Variants in ZNF219 observed in about 807,000 individuals in gnomAD.
ZNF219 encodes zinc finger protein 219.
In ZNF219, 17 loss-of-function variants were observed where a neutral mutation model predicts 54.4. That is an observed-to-expected ratio of 0.31 (90% CI 0.21 to 0.47). ZNF219 has a LOEUF of 0.47. Among genes scored for constraint, ZNF219 ranks in the 20% least tolerant of loss-of-function variants. The pLI is 1.00. For synonymous variants in ZNF219, 518 were observed against 476.4 expected (o/e 1.09, Z -1.14); for missense variants, 1,014 against 1,062.3 (o/e 0.95, Z 0.63).
rs1189410520 is a variant in ZNF219 at position 21,090,940 on chromosome 14, C to T, written c.1765G>A (p.Glu589Lys). Reference protein sequence around the residue: ...KPSPQPATWVEGASSPRPPSS... With the variant: ...KPSPQPATWVKGASSPRPPSS... ...GGAGGCCGGGGACTTGAGGCGCCCT[C>T]CACCCAGGTCGCAGGCTGCGGAGAC... Residue 589 changes from glutamate to lysine, a missense_variant, in exon 5 of 5, where the codon GAG becomes AAG. Around this residue, in one of 5 missense-constraint regions of ZNF219, gnomAD observed 281 missense variants for 271.2 expected, o/e 1.04. Coordinates refer to ENST00000360947, the MANE Select transcript of ZNF219 (RefSeq NM_016423.3). The surrounding 1 kb of genome is among the most constrained non-coding windows in gnomAD (Gnocchi z 4.4). 2 of 1,547,164 alleles carry T rather than the reference C, an allele frequency of 1.3e-6. No homozygotes were observed. The highest frequency in any genetic ancestry group is 1.7e-6 in the Non-Finnish European group (2 of 1,151,570).
At chr14:21,098,227 C>A (rs2139330213) in intron 1 of ZNF219, 85 bp downstream of exon 1, 1 of 147,848 alleles carries the variant, frequency 6.8e-6, no homozygotes, top group Non-Finnish European at 1.5e-5. Context: ...TGAGCGGGCC[C>A]CCCCTCCGGG....
chr14:21,091,475 A>G lies in ZNF219; in HGVS notation c.1500T>C (p.Cys500=), dbSNP rs777940414. The G allele has an allele frequency of 1.9e-5, 31 of 1,610,356 alleles. No homozygotes were observed. The highest frequency in any genetic ancestry group is 2.5e-5 in the Non-Finnish European group (30 of 1,177,242). Residue 500 remains cysteine (C), a synonymous_variant, in exon 4 of 5, where the codon TGT becomes TGC. Coordinates refer to ENST00000360947, the MANE Select transcript of ZNF219 (RefSeq NM_016423.3). The part of the protein sequence containing the change: ...EGGRGATGKD[C]PFCGKSFRSA... The stretch of plus-strand genomic sequence containing the variant: ...AGCGGAAAGATTTTCCGCAGAAAGG[A>G]CAATCCTTGCCGGTGGCGCCCCGGC...
chr14:21,092,459 C>T lies in ZNF219; in HGVS notation c.838G>A (p.Gly280Ser), dbSNP rs1310675120. The change falls in exon 3 of 5, where the codon GGC (glycine) becomes AGC (serine). Residue 280 changes from glycine (G) to serine (S), a missense_variant. By Grantham distance (56) the Gly-to-Ser change is moderately conservative. Transcript: ENST00000360947. ...AACCAAGACTGTGTAAAGCTCTGGCCGCACACTTGGCAGCGGAACTCCGGA... is the reference window on the plus strand; with the variant it reads ...AACCAAGACTGTGTAAAGCTCTGGCTGCACACTTGGCAGCGGAACTCCGGA... Reference protein sequence around the residue: ...APPEFRCQVCGQSFTQSWFLK... With the variant: ...APPEFRCQVCSQSFTQSWFLK... 1.3e-6 allele frequency: 2 copies of T among 1,558,734 alleles called. No homozygotes were observed. Among genetic ancestry groups the T allele is most frequent in the South Asian group, 2.4e-5 (2 of 84,714 alleles).
intron 1 of ZNF219, chr14:21,097,492 A>G (rs1889339655): frequency 6.6e-6 from 1 of 152,174 alleles, no homozygotes; most frequent in Non-Finnish European, 1.5e-5. Flanking sequence ...CAGTCTTAGC[A>G]CCCACGTGAG....
chr14:21,101,586 G>A, upstream of ZNF219: 1 of 823,688 alleles, frequency 1.2e-6, no homozygotes, highest in Admixed American at 2.8e-5. Context: ...ATGGGAGGAG[G>A]GTAGAGGAAA....
Position 21,091,049 on chromosome 14 carries a change from C to T in ZNF219, c.1656G>A (p.Gln552=). ...KYHLQRHHRE[Q]RSGAGPGPPP... is the part of the protein sequence containing the mutation. ...GTGGCCCGGGGCCGGCCCCGCTCCT[C>T]TGCTCCCGGTGGTGGCGCTGTAGGT... The change falls in exon 5 of 5, where the codon CAG becomes CAA. Residue 552 remains glutamine (Q), a synonymous_variant. Transcript: ENST00000360947. 1 of 1,559,658 alleles carries T rather than the reference C, an allele frequency of 6.4e-7. No homozygotes were observed. Among genetic ancestry groups the T allele is most frequent in the South Asian group, 1.2e-5 (1 of 85,714 alleles).
upstream of ZNF219, chr14:21,098,660 G>T: frequency 6.8e-6 from 7 of 1,028,626 alleles, no homozygotes; most frequent in Non-Finnish European, 7.0e-6. Flanking sequence ...GGAGACGGGG[G>T]GCGCTGTCGG....
upstream of ZNF219, chr14:21,098,802 C>T (rs1233760565): frequency 3.9e-6 from 5 of 1,287,120 alleles, 1 homozygote; most frequent in Non-Finnish European, 5.1e-6. Context: ...TCCCTAAACC[C>T]GGACATACCA....
At chr14:21,103,148 G>A, upstream of ZNF219, 1 of 1,551,686 alleles carries the variant, frequency 6.4e-7, no homozygotes, top group Non-Finnish European at 8.7e-7. Flanking sequence ...GGGCTTCTCT[G>A]AGTTGGAAGA....
upstream of ZNF219, chr14:21,101,819 G>A (rs1889649792): frequency 6.9e-7 from 1 of 1,459,818 alleles, no homozygotes. Context: ...GAGAAGGGAG[G>A]GAATCCCTGA....
In ZNF219 at chr14:21,090,423, G is replaced by T; in HGVS notation, c.*113C>A. 2 of 1,400,120 alleles carry T rather than the reference G, an allele frequency of 1.4e-6. No homozygotes were observed. The highest frequency in any genetic ancestry group is 1.4e-5 in the South Asian group (1 of 71,990). 86.7% of individuals were successfully genotyped at this position (1,400,120 alleles called of 1,614,324 possible). A position where few individuals can be genotyped will look rare whatever the true frequency, so the allele number is the denominator to read the frequency against. Reference sequence around the variant, plus strand: ...CGCCTTCCACCTCTGGTCCGCCTGGGGCTGGGATATGGGTCCCACGCTGCC... The same window carrying T: ...CGCCTTCCACCTCTGGTCCGCCTGGTGCTGGGATATGGGTCCCACGCTGCC... On this transcript the variant is annotated 3_prime_UTR_variant, in exon 5 of 5. Transcript: ENST00000360947. This position sits in a 1 kb window ranked among gnomAD's most constrained non-coding sequence, Gnocchi z 4.4.
upstream of ZNF219, among the ~76,000 whole-genome samples, chr14:21,100,311 AGCCATGATCAT>A (rs988710169): frequency 1.3e-5 from 2 of 152,196 alleles, no homozygotes; most frequent in African/African-American, 4.8e-5. Flanking sequence ...GGCTACAGTG[AGCCATGATCAT>A]GCCACTGCAC....
At position 21,090,524 on chromosome 14, in the gene ZNF219, C is replaced by A. The variant is rs370670607; in HGVS notation, c.*12G>T. ...GGGTAAGCTCACTAAGCTAATCGCC[C>A]CTGAGGGCCCACTACCGTTCTTGCC... On this transcript the variant is annotated 3_prime_UTR_variant, in exon 5 of 5. Coordinates refer to ENST00000360947, the MANE Select transcript of ZNF219 (RefSeq NM_016423.3). This position sits in a 1 kb window ranked among gnomAD's most constrained non-coding sequence, Gnocchi z 4.4. The A allele has an allele frequency of 3.5e-4, 559 of 1,580,288 alleles. No homozygotes were observed. The highest frequency in any genetic ancestry group is 4.4e-4 in the Non-Finnish European group (505 of 1,159,986).
At chr14:21,098,699 T>C, upstream of ZNF219, 5 of 668,818 alleles carry the variant, frequency 7.5e-6, no homozygotes, top group Middle Eastern at 7.2e-4. Flanking sequence ...GGAGCGGGGG[T>C]GGGGCGCACA....
chr14:21,103,325 A>C, upstream of ZNF219: 1 of 1,508,556 alleles, frequency 6.6e-7, no homozygotes, highest in Non-Finnish European at 8.9e-7. Flanking sequence ...GGATCCTTCG[A>C]GTCCAATAGG....
upstream of ZNF219, chr14:21,102,565 T>A: frequency 6.4e-7 from 1 of 1,550,682 alleles, no homozygotes; most frequent in Non-Finnish European, 8.7e-7. Flanking sequence ...CAAGAGGAGG[T>A]GGGAAGGGAA....
At chr14:21,102,869 A>G, upstream of ZNF219, 1 of 1,487,976 alleles carries the variant, frequency 6.7e-7, no homozygotes. Flanking sequence ...AGGGAAAATA[A>G]TGGGGCAGGA....
chr14:21,092,936 G>T lies in ZNF219; in HGVS notation c.361C>A (p.Leu121Met). The change falls in exon 3 of 5, where the codon CTG (leucine) becomes ATG (methionine). Residue 121 changes from leucine (L) to methionine (M), a missense_variant. This residue lies in a region of ZNF219 where 395 missense variants were observed against 415.1 expected (regional missense o/e 0.95). Coordinates refer to ENST00000360947, the MANE Select transcript of ZNF219 (RefSeq NM_016423.3). The part of the protein sequence containing the change: ...RPRSPAARLL[L>M]ELEERALLRE... ...AGTAGCGCGCGCTCTTCCAACTCCA[G>T]CAACAGGCGTGCAGCAGGACTACGT... is the stretch of plus-strand genomic sequence containing the variant. 1.3e-6 allele frequency: 2 copies of T among 1,571,846 alleles called. No homozygotes were observed. The highest frequency in any genetic ancestry group is 8.6e-7 in the Non-Finnish European group (1 of 1,160,426).
In ZNF219 at chr14:21,092,556, C is replaced by T; in HGVS notation, c.741G>A (p.Glu247=). 1 of 1,548,188 alleles carries T rather than the reference C, an allele frequency of 6.5e-7. No homozygotes were observed. Among genetic ancestry groups the T allele is most frequent in the Non-Finnish European group, 8.7e-7 (1 of 1,146,310 alleles). ...QPEPRSVPQP[E]PEPEPEREAT... is the part of the protein sequence containing the mutation. ...CCTCACGTTCGGGCTCCGGCTCCGG[C>T]TCCGGCTGGGGGACTGATCTGGGTT... Residue 247 remains glutamate (E), a synonymous_variant, in exon 3 of 5, where the codon GAG becomes GAA. Transcript: ENST00000360947.
Sources: gnomAD v4.1 joint callset for allele counts (sites outside exome capture counted in the v4.1 genomes callset) on GRCh38, gnomAD v4.1.1 for gene constraint, gnomAD v4.1.1 regional missense constraint, Gnocchi (gnomAD v3.1) non-coding constraint, MANE v1.5 for transcripts, NCBI Gene and HGNC (gene_info 2026-07-23, HGNC 2026-07-21) for gene names.